FAM13B: variants seen among roughly 807,000 people sequenced by gnomAD.
FAM13B encodes family with sequence similarity 13 member B, also known as protein FAM13B.
In FAM13B, 60 loss-of-function variants were observed where a neutral mutation model predicts 117.3. That is an observed-to-expected ratio of 0.51 (90% CI 0.42 to 0.63). The LOEUF (loss-of-function observed/expected upper bound fraction) is 0.63, where lower values mean the gene tolerates loss of function less well. Ranked by LOEUF, FAM13B falls within the 30% of genes least tolerant of loss-of-function variation. The pLI, the probability that FAM13B is intolerant of heterozygous loss-of-function variation, is 0.00. For synonymous variants in FAM13B, 332 were observed against 356.1 expected (o/e 0.93, Z 0.76); for missense variants, 972 against 1,091.9 (o/e 0.89, Z 1.55).
At chr5:137,996,402 G>A (rs1310379437) in intron 7 of FAM13B, among the ~76,000 whole-genome samples, 1 of 151,998 alleles carries the variant, frequency 6.6e-6, no homozygotes. Flanking sequence ...GCCTCCCAAA[G>A]TGCTGGGATT....
chr5:138,029,789 A>G (rs1331246744), intron 1 of FAM13B, among the ~76,000 whole-genome samples: 1 of 152,250 alleles, frequency 6.6e-6, no homozygotes, highest in Non-Finnish European at 1.5e-5. Flanking sequence ...GACACACAAA[A>G]GCAAAAAGTA....
intron 1 of FAM13B, among the ~76,000 whole-genome samples, chr5:138,040,135 A>G (rs942186689): frequency 6.6e-6 from 1 of 151,944 alleles, no homozygotes; most frequent in Admixed American, 6.6e-5. Context: ...GTAGTGGCGC[A>G]TGCCTGTAAT....
intron 7 of FAM13B, among the ~76,000 whole-genome samples, chr5:138,005,935 G>A (rs920687952): frequency 7.1e-6 from 1 of 140,662 alleles, no homozygotes; most frequent in Non-Finnish European, 1.5e-5. Flanking sequence ...GTTTTGCTCT[G>A]TCGCCCAGGC....
intron 1 of FAM13B, among the ~76,000 whole-genome samples, chr5:138,044,834 G>A (rs928605407): frequency 6.6e-6 from 1 of 151,992 alleles, no homozygotes; most frequent in African/African-American, 2.4e-5. Context: ...CTTTTTATAG[G>A]GATTGCATCA....
chr5:137,951,648 GATTCTGTCTCAAAAAAATAAAAA>G (rs1318250933), intron 17 of FAM13B, among the ~76,000 whole-genome samples: 62 of 152,120 alleles, frequency 4.1e-4, no homozygotes, highest in African/African-American at 1.2e-3. Context: ...GACAGAGCAA[GATTCTGTCTCAAAAAAATAAAAA>G]ATATATATTT....
chr5:138,048,457 T>C (rs1425450972), intron 1 of FAM13B, among the ~76,000 whole-genome samples: 1 of 152,144 alleles, frequency 6.6e-6, no homozygotes, highest in Admixed American at 6.5e-5. Flanking sequence ...GAGGCCTCTA[T>C]GTGAACTAGA....
Position 137,949,202 on chromosome 5 carries a change from G to T in FAM13B, c.1931-18C>A, listed in dbSNP as rs1193918088. On this transcript the variant is annotated intron_variant, in intron 17 of 23. Coordinates refer to ENST00000689681, the MANE Select transcript of FAM13B (RefSeq NM_001385994.1). ...TTTTGCATCTACATGTCAGAAATAAGGACAGATCAGTAATAATTGGTTTTA... is the reference window on the plus strand; with the variant it reads ...TTTTGCATCTACATGTCAGAAATAATGACAGATCAGTAATAATTGGTTTTA... 1.9e-6 allele frequency: 3 copies of T among 1,589,992 alleles called. No homozygotes were observed. The South Asian group carries it at 3.3e-5, about 18-fold the overall frequency.
chr5:137,983,213 A>AAAAAAAAAAAC lies in FAM13B; in HGVS notation c.1179+2043_1179+2044insGTTTTTTTTTT, dbSNP rs1561492748. On this transcript the variant is annotated intron_variant, in intron 10 of 23. Transcript: ENST00000689681. ...AAAAAAAAAAAAAAAAAAAAAAAAA[A>AAAAAAAAAAAC]AACCGAGTGAGATATCCTGAATGCC... 1.0e-3 allele frequency among the ~76,000 whole-genome samples: 95 copies of AAAAAAAAAAAC among 93,710 alleles called. 10 individuals are homozygous for AAAAAAAAAAAC. Among genetic ancestry groups the AAAAAAAAAAAC allele is most frequent in the Non-Finnish European group, 1.3e-3 (58 of 43,936 alleles). 61.5% of individuals were successfully genotyped at this position (93,710 alleles called of 152,430 possible).
chr5:138,028,343 T>A (rs1405621124), intron 1 of FAM13B, among the ~76,000 whole-genome samples: 1 of 152,242 alleles, frequency 6.6e-6, no homozygotes, highest in Non-Finnish European at 1.5e-5. Flanking sequence ...AAGACTAGTT[T>A]ATCATTTTTC....
At chr5:137,947,191 C>A (rs774372894) in intron 18 of FAM13B, among the ~76,000 whole-genome samples, 1 of 152,212 alleles carries the variant, frequency 6.6e-6, no homozygotes, top group South Asian at 2.1e-4. Flanking sequence ...CAAATAATCT[C>A]TCTACTTATT....
At chr5:137,948,418 T>C (rs907177818) in intron 18 of FAM13B, among the ~76,000 whole-genome samples, 1 of 152,084 alleles carries the variant, frequency 6.6e-6, no homozygotes. Flanking sequence ...TATTTATTTA[T>C]TTATTTACTT....
intron 6 of FAM13B, among the ~76,000 whole-genome samples, chr5:138,008,240 A>G (rs1181877582): frequency 1.4e-4 from 22 of 152,178 alleles, no homozygotes; most frequent in Admixed American, 1.4e-3. Context: ...CAGGAGTTCC[A>G]GACCAGCCTG....
intron 10 of FAM13B, among the ~76,000 whole-genome samples, chr5:137,978,032 T>C (rs1774531611): frequency 6.6e-6 from 1 of 152,008 alleles, no homozygotes; most frequent in South Asian, 2.1e-4. Context: ...GCATTAGCTT[T>C]AGTAATCTAC....
chr5:137,942,314 A>ACT (rs1762095601), intron 22 of FAM13B: 1 of 416,454 alleles, frequency 2.4e-6, no homozygotes, highest in South Asian at 4.7e-5. Context: ...AAAAAGATCA[A>ACT]CTCGCAACTA....
upstream of FAM13B, among the ~76,000 whole-genome samples, chr5:138,034,313 C>T (rs1416990130): frequency 1.3e-5 from 2 of 152,210 alleles, no homozygotes; most frequent in African/African-American, 4.8e-5. Context: ...TTACTATGTT[C>T]TAGTCTCTTA....
chr5:138,024,710 C>T (rs1445092750), intron 1 of FAM13B, among the ~76,000 whole-genome samples: 2 of 151,764 alleles, frequency 1.3e-5, no homozygotes, highest in Non-Finnish European at 2.9e-5. Context: ...AAAGGATTGA[C>T]ACAAGAGAAT....
chr5:137,953,634 A>C (rs1234181083), intron 15 of FAM13B, among the ~76,000 whole-genome samples, 169 bp from the exon 16 acceptor site: 2 of 152,238 alleles, frequency 1.3e-5, no homozygotes, highest in Non-Finnish European at 2.9e-5. Context: ...TACAGACCAC[A>C]AATTTAGCTA....
intron 10 of FAM13B, among the ~76,000 whole-genome samples, chr5:137,966,486 T>A (rs199741640): frequency 2.3e-5 from 1 of 44,012 alleles, no homozygotes; most frequent in Non-Finnish European, 4.1e-5. Flanking sequence ...TATATATATA[T>A]ATAGAGAGAG....
chr5:138,009,710 CA>C (rs1783473270), intron 6 of FAM13B, among the ~76,000 whole-genome samples: 1 of 145,406 alleles, frequency 6.9e-6, no homozygotes, highest in African/African-American at 2.5e-5. Flanking sequence ...GAGGCTGGGG[CA>C]GGAGAATTGC....
Sources: allele counts gnomAD v4.1 joint callset (sites outside exome capture counted in the v4.1 genomes callset), GRCh38; gene constraint gnomAD v4.1.1; transcripts MANE v1.5; gene names NCBI Gene and HGNC (gene_info 2026-07-23, HGNC 2026-07-21).